Variants in PAM observed in about 807,000 individuals in gnomAD.
PAM encodes the protein peptidyl-glycine alpha-amidating monooxygenase.
Under a neutral mutation model 122.1 loss-of-function variants are expected in PAM, and 72 were observed. That is an observed-to-expected ratio of 0.59 (90% confidence interval 0.49 to 0.72). The LOEUF is 0.72. Among genes scored for constraint, PAM ranks in the 30% least tolerant of loss-of-function variants. The pLI is 0.00. For missense variants in PAM, 1,106 were observed against 1,183.7 expected (o/e 0.93, Z 0.96); for synonymous variants, 389 against 404.4 (o/e 0.96, Z 0.46).
chr5:102,777,743 G>T (rs1280378721), intron 1 of PAM, among the ~76,000 whole-genome samples: 1 of 152,108 alleles, frequency 6.6e-6, no homozygotes, highest in African/African-American at 2.4e-5. Context: ...TTCCTCTGTA[G>T]AGGTATTTTA....
At chr5:102,856,641 C>T (rs1412122474) in intron 1 of PAM, among the ~76,000 whole-genome samples, 4 of 151,898 alleles carry the variant, frequency 2.6e-5, no homozygotes, top group African/African-American at 4.8e-5. Context: ...CAGGGCTGAG[C>T]GATTTGATGA....
intron 14 of PAM, among the ~76,000 whole-genome samples, chr5:102,971,021 G>GT (rs1197594000): frequency 6.6e-6 from 1 of 152,104 alleles, no homozygotes; most frequent in Non-Finnish European, 1.5e-5. Flanking sequence ...AGGCCAGGCT[G>GT]TTCTCAAACT....
chr5:102,845,656 T>G (rs927686065), intron 1 of PAM, among the ~76,000 whole-genome samples: 9 of 152,204 alleles, frequency 5.9e-5, no homozygotes, highest in Non-Finnish European at 1.3e-4. Context: ...TATTCAGGGG[T>G]ACAAATGTTT....
chr5:102,960,528 T>C (rs1342126995), intron 13 of PAM, among the ~76,000 whole-genome samples: 1 of 152,028 alleles, frequency 6.6e-6, no homozygotes, highest in Non-Finnish European at 1.5e-5. Flanking sequence ...TTGTGAAGCA[T>C]TGCTAGTCTT....
At chr5:102,979,367 G>T (rs1026441455) in intron 15 of PAM, among the ~76,000 whole-genome samples, 2 of 151,862 alleles carry the variant, frequency 1.3e-5, no homozygotes, top group African/African-American at 4.8e-5. Context: ...TTCTTACTTT[G>T]GTATAAATAT....
intron 1 of PAM, among the ~76,000 whole-genome samples, chr5:102,807,448 A>G (rs1487973310): frequency 6.6e-6 from 1 of 152,218 alleles, no homozygotes; most frequent in East Asian, 1.9e-4. Context: ...AGTAGAAGTA[A>G]TTCTGCCTGT....
intron 14 of PAM, among the ~76,000 whole-genome samples, chr5:102,970,520 GTA>G (rs1490085920): frequency 6.6e-6 from 1 of 152,160 alleles, no homozygotes; most frequent in African/African-American, 2.4e-5. Context: ...CTAAGTGAGT[GTA>G]TGTATAGCCT....
chr5:102,972,066 G>A (rs971623941), intron 14 of PAM, among the ~76,000 whole-genome samples: 1 of 152,116 alleles, frequency 6.6e-6, no homozygotes, highest in Admixed American at 6.5e-5. Flanking sequence ...GAACTGGAGT[G>A]CTCTACCTTT....
chr5:102,948,241 A>C (rs1397753732), intron 8 of PAM, 137 bp from the exon 9 acceptor site: 1 of 534,748 alleles, frequency 1.9e-6, no homozygotes, highest in African/African-American at 2.0e-5. Flanking sequence ...AGGAAGAAAA[A>C]TTTTTCCTCT....
chr5:103,022,483 T>C (rs1290654167), intron 23 of PAM, among the ~76,000 whole-genome samples: 4 of 152,250 alleles, frequency 2.6e-5, no homozygotes, highest in African/African-American at 7.2e-5. Context: ...CACAGGAATG[T>C]AGCTAACCTC....
At chr5:102,859,609 TTAGTA>T (rs1783586346) in intron 1 of PAM, among the ~76,000 whole-genome samples, 1 of 152,068 alleles carries the variant, frequency 6.6e-6, no homozygotes, top group Non-Finnish European at 1.5e-5. Context: ...TAAAATAAAT[TTAGTA>T]TAGCTTACAG....
At chr5:102,950,168 A>G (rs1333413367) in intron 11 of PAM, among the ~76,000 whole-genome samples, 190 bp downstream of exon 11, 3 of 152,094 alleles carry the variant, frequency 2.0e-5, no homozygotes, top group African/African-American at 4.8e-5. Context: ...TTTTCTCAAT[A>G]TGGTCAAACC....
chr5:102,846,259 A>G (rs1272671706), intron 1 of PAM, among the ~76,000 whole-genome samples: 7 of 152,166 alleles, frequency 4.6e-5, no homozygotes, highest in African/African-American at 1.7e-4. Context: ...ATGAGCTTGT[A>G]AAACACACAT....
At chr5:102,795,216 G>GAGAAGA (rs1763100239) in intron 1 of PAM, among the ~76,000 whole-genome samples, 1 of 122,722 alleles carries the variant, frequency 8.1e-6, no homozygotes, top group African/African-American at 3.0e-5. Context: ...AAAAAAAGAA[G>GAGAAGA]AGAAGAAAAA....
chr5:102,914,491 G>T (rs1251797114), intron 5 of PAM, among the ~76,000 whole-genome samples: 1 of 152,012 alleles, frequency 6.6e-6, no homozygotes, highest in Non-Finnish European at 1.5e-5. Context: ...CAGAAGGTTT[G>T]TAAAGAAAGT....
intron 12 of PAM, among the ~76,000 whole-genome samples, chr5:102,953,735 C>T (rs1023456773): frequency 6.6e-6 from 1 of 152,052 alleles, no homozygotes; most frequent in Non-Finnish European, 1.5e-5. Context: ...ATGATAGGGC[C>T]GAGTACAATG....
intron 15 of PAM, among the ~76,000 whole-genome samples, chr5:102,986,856 C>T (rs1404138396): frequency 1.3e-5 from 2 of 152,164 alleles, no homozygotes; most frequent in Non-Finnish European, 2.9e-5. Context: ...CTTGCATTCT[C>T]TCTTGTCTGC....
chr5:102,900,264 G>C (rs1197540590), intron 3 of PAM, among the ~76,000 whole-genome samples: 1 of 102,356 alleles, frequency 9.8e-6, no homozygotes, highest in Non-Finnish European at 1.8e-5. Context: ...TGGGGGGGGG[G>C]CGGGGGGAAG....
intron 7 of PAM, among the ~76,000 whole-genome samples, chr5:102,943,541 AC>A (rs1235850087): frequency 6.6e-6 from 1 of 152,090 alleles, no homozygotes; most frequent in Non-Finnish European, 1.5e-5. Flanking sequence ...AAGATATAGA[AC>A]CCTTGTTTTT....
Sources: allele counts gnomAD v4.1 joint callset (sites outside exome capture counted in the v4.1 genomes callset), GRCh38; gene constraint gnomAD v4.1.1; transcripts MANE v1.5; gene names NCBI Gene and HGNC (gene_info 2026-07-23, HGNC 2026-07-21).